Variants in TPO observed in about 807,000 individuals in gnomAD.
TPO encodes thyroid peroxidase, also known as thyroid microsomal antigen.
In TPO, 78 loss-of-function variants were observed where a neutral mutation model predicts 96.9. The observed-to-expected ratio is 0.81, with a 90% CI of 0.67 to 0.97. TPO has a LOEUF of 0.97. TPO is among the 50% of genes least tolerant of loss of function. TPO has a pLI of 0.00. For missense variants in TPO, 1,252 were observed against 1,274.8 expected, an observed-to-expected ratio of 0.98 and a Z score of 0.27; for synonymous variants, 547 against 538.0, an observed-to-expected ratio of 1.02 and a Z score of -0.23.
At position 1,458,935 on chromosome 2, in the gene TPO, C is replaced by T. The variant is rs114076717; in HGVS notation, c.819+2653C>T. Among the ~76,000 whole-genome samples, 885 of 152,120 alleles carry T rather than the reference C, an allele frequency of 5.8e-3. 15 individuals are homozygous for T. The highest frequency in any genetic ancestry group is 0.02 in the African/African-American group (817 of 41,476). On this transcript the variant is annotated intron_variant, in intron 7 of 16. Transcript: ENST00000329066. Reference sequence around the variant, plus strand: ...ATAATGAAGCAAAGAGCACACTTGGCCCTCAATCTTTGTGCCCATGTGCAC... The same window carrying T: ...ATAATGAAGCAAAGAGCACACTTGGTCCTCAATCTTTGTGCCCATGTGCAC...
At chr2:1,479,255 C>T (rs530190812) in intron 8 of TPO, among the ~76,000 whole-genome samples, 4 of 152,208 alleles carry the variant, frequency 2.6e-5, no homozygotes, top group African/African-American at 4.8e-5. Context: ...AGGCCTTCGG[C>T]GCTCCTGTCT....
intron 1 of TPO, among the ~76,000 whole-genome samples, chr2:1,406,532 C>T (rs1209578466): frequency 1.3e-5 from 2 of 152,202 alleles, no homozygotes; most frequent in East Asian, 3.9e-4. Flanking sequence ...CCCATCACCC[C>T]TGAGCAAGAC....
intron 5 of TPO, among the ~76,000 whole-genome samples, chr2:1,449,188 A>G (rs1487688904): frequency 2.6e-5 from 4 of 152,200 alleles, no homozygotes; most frequent in African/African-American, 9.7e-5. Flanking sequence ...TGGGTTTAAC[A>G]TAGAATTTGC....
At chr2:1,412,558 G>A (rs975263458), upstream of TPO, among the ~76,000 whole-genome samples, 3 of 150,874 alleles carry the variant, frequency 2.0e-5, no homozygotes, top group African/African-American at 7.3e-5. Context: ...ACATTCTTGG[G>A]CTTCAGAACA....
chr2:1,502,010 G>A (rs1672921699), intron 13 of TPO, among the ~76,000 whole-genome samples: 1 of 152,192 alleles, frequency 6.6e-6, no homozygotes, highest in African/African-American at 2.4e-5. Flanking sequence ...TCCCCGAGAG[G>A]GATGCAGGGA....
chr2:1,517,511 G>A (rs1468299309), intron 15 of TPO, among the ~76,000 whole-genome samples: 4 of 151,896 alleles, frequency 2.6e-5, no homozygotes, highest in South Asian at 2.1e-4. Flanking sequence ...CCTCAGGTGC[G>A]GCAGCTGGTC....
chr2:1,426,157 A>T (rs574834263), intron 3 of TPO, among the ~76,000 whole-genome samples: 79 of 145,094 alleles, frequency 5.4e-4, no homozygotes, highest in Middle Eastern at 4.3e-3. Context: ...AGATGCCAGG[A>T]TACAGAGATG....
At chr2:1,526,713 C>T (rs1335337824) in intron 15 of TPO, among the ~76,000 whole-genome samples, 3 of 124,318 alleles carry the variant, frequency 2.4e-5, no homozygotes, top group East Asian at 2.9e-4. Flanking sequence ...ATGCAACCTC[C>T]CCAAATCCCA....
At chr2:1,416,968 G>T (rs887645308) in intron 2 of TPO, among the ~76,000 whole-genome samples, 5 of 152,166 alleles carry the variant, frequency 3.3e-5, no homozygotes, top group Non-Finnish European at 7.3e-5. Flanking sequence ...GCTCCGGGGG[G>T]TCCTGCTTGG....
At chr2:1,520,225 T>C (rs1037420239) in intron 15 of TPO, among the ~76,000 whole-genome samples, 1 of 152,198 alleles carries the variant, frequency 6.6e-6, no homozygotes, top group African/African-American at 2.4e-5. Context: ...CCACCTACCC[T>C]GAGACCCCTA....
chr2:1,437,674 C>T (rs928617675), intron 5 of TPO, among the ~76,000 whole-genome samples: 1 of 152,180 alleles, frequency 6.6e-6, no homozygotes, highest in African/African-American at 2.4e-5. Flanking sequence ...GCTGTAAGAG[C>T]TTGTTTGTTA....
chr2:1,423,110 A>T lies in TPO; in HGVS notation c.160A>T (p.Met54Leu). ...AAGCAAGCGCCTGGTGGACACCGCCATGTACGCCACGATGCAGAGGTGAGC... is the reference window on the plus strand; with the variant it reads ...AAGCAAGCGCCTGGTGGACACCGCCTTGTACGCCACGATGCAGAGGTGAGC... Reference protein sequence around the residue: ...EESKRLVDTAMYATMQRNLKK... With the variant: ...EESKRLVDTALYATMQRNLKK... Residue 54 changes from methionine (M) to leucine (L), a missense_variant, in exon 3 of 17, where the codon ATG becomes TTG. Physicochemically the swap from Met to Leu is conservative, Grantham distance 15 (BLOSUM62 2). Transcript: ENST00000329066. The T allele has an allele frequency of 6.2e-7, 1 of 1,614,046 alleles. No individual in the cohort carries two copies. The highest frequency in any genetic ancestry group is 1.1e-5 in the South Asian group (1 of 91,070).
intron 10 of TPO, among the ~76,000 whole-genome samples, chr2:1,492,618 T>A (rs1317797032): frequency 7.9e-5 from 12 of 152,156 alleles, no homozygotes; most frequent in Non-Finnish European, 1.8e-4. Flanking sequence ...TGGCTATTTC[T>A]CCCAGTTCTG....
chr2:1,455,745 G>A (rs1424794319), intron 6 of TPO, among the ~76,000 whole-genome samples: 5 of 152,296 alleles, frequency 3.3e-5, no homozygotes, highest in Non-Finnish European at 4.4e-5. Flanking sequence ...CCTAAAGCCT[G>A]GCTGTTTTGT....
At chr2:1,476,596 T>C (rs1475255306) in intron 7 of TPO, among the ~76,000 whole-genome samples, 1 of 152,162 alleles carries the variant, frequency 6.6e-6, no homozygotes, top group Non-Finnish European at 1.5e-5. Context: ...AGTCAGCTCT[T>C]CCGAAAGTCA....
At chr2:1,449,382 T>C (rs1667124412) in intron 5 of TPO, among the ~76,000 whole-genome samples, 1 of 152,216 alleles carries the variant, frequency 6.6e-6, no homozygotes, top group Admixed American at 6.5e-5. Flanking sequence ...TCACCTTTTT[T>C]CCCTCTCACT....
intron 2 of TPO, among the ~76,000 whole-genome samples, chr2:1,419,647 G>T (rs1444389552): frequency 1.3e-5 from 2 of 152,194 alleles, no homozygotes; most frequent in Non-Finnish European, 2.9e-5. Context: ...CCTTCCTGTA[G>T]TTGCCCCAGA....
At chr2:1,386,103 T>C (rs1338494751) in intron 1 of TPO, among the ~76,000 whole-genome samples, 1 of 152,256 alleles carries the variant, frequency 6.6e-6, no homozygotes, top group Non-Finnish European at 1.5e-5. Context: ...TCTGTTCTTT[T>C]ACATTTGCTG....
At chr2:1,443,866 AT>A (rs545919811) in intron 5 of TPO, among the ~76,000 whole-genome samples, 95 of 114,666 alleles carry the variant, frequency 8.3e-4, no homozygotes, top group African/African-American at 3.2e-3. Context: ...TGATCCAGTT[AT>A]TGCTGCAGGA....
Sources: allele counts gnomAD v4.1 joint callset (sites outside exome capture counted in the v4.1 genomes callset), GRCh38; gene constraint gnomAD v4.1.1; transcripts MANE v1.5; gene names NCBI Gene and HGNC (gene_info 2026-07-23, HGNC 2026-07-21).